PARD3B: variants seen among roughly 807,000 people sequenced by gnomAD.
The protein encoded by PARD3B is par-3 family cell polarity regulator beta, also known as partitioning defective 3 homolog B.
A neutral mutation model predicts 130.2 loss-of-function variants in PARD3B; 103 were observed. The observed-to-expected ratio is 0.79, with a 90% CI of 0.67 to 0.93. PARD3B has a LOEUF of 0.93. PARD3B is among the 40% of genes least tolerant of loss of function. The probability of loss-of-function intolerance (pLI) is 0.00; values close to 1 mark genes in which losing one functional copy is unlikely to be tolerated. For missense variants in PARD3B, 1,609 were observed against 1,499.2 expected, an observed-to-expected ratio of 1.07 and a Z score of -1.21; for synonymous variants, 583 against 553.2, an observed-to-expected ratio of 1.05 and a Z score of -0.76.
At chr2:205,113,423 TA>T in intron 5 of PARD3B, 67 bp from the exon 6 acceptor site, 30 of 964,380 alleles carry the variant, frequency 3.1e-5, no homozygotes, top group Non-Finnish European at 3.3e-5. Flanking sequence ...TGTGTGTGTG[TA>T]TTTTAGATGT....
intron 20 of PARD3B, among the ~76,000 whole-genome samples, chr2:205,489,982 A>C (rs1343769114): frequency 2.0e-5 from 3 of 152,166 alleles, no homozygotes. Flanking sequence ...AGTCACAACA[A>C]TCAATCACAT....
intron 4 of PARD3B, among the ~76,000 whole-genome samples, chr2:205,065,969 T>C (rs979666996): frequency 6.6e-6 from 1 of 152,106 alleles, no homozygotes; most frequent in Non-Finnish European, 1.5e-5. Flanking sequence ...TCAGCCTCAT[T>C]GAACAGGTAG....
At chr2:204,584,879 A>G (rs2032748926) in intron 1 of PARD3B, among the ~76,000 whole-genome samples, 1 of 152,222 alleles carries the variant, frequency 6.6e-6, no homozygotes, top group African/African-American at 2.4e-5. Flanking sequence ...GACACAGGTG[A>G]TGCAAGAGTT....
intron 2 of PARD3B, among the ~76,000 whole-genome samples, chr2:204,956,637 C>CT (rs2125836292): frequency 6.6e-6 from 1 of 152,148 alleles, no homozygotes; most frequent in South Asian, 2.1e-4. Flanking sequence ...AAAAATTAGT[C>CT]TATGTAGCTA....
chr2:205,311,992 C>T (rs1174270913), intron 18 of PARD3B, among the ~76,000 whole-genome samples: 2 of 152,126 alleles, frequency 1.3e-5, no homozygotes, highest in Non-Finnish European at 2.9e-5. Flanking sequence ...TAATACATTA[C>T]CCATAAAGAT....
At chr2:205,020,276 G>A (rs1033359222) in intron 3 of PARD3B, among the ~76,000 whole-genome samples, 2 of 152,186 alleles carry the variant, frequency 1.3e-5, no homozygotes, top group African/African-American at 4.8e-5. Context: ...CATTTAAAGA[G>A]GTTTGCATCA....
chr2:205,395,886 A>G (rs934981593), intron 18 of PARD3B, among the ~76,000 whole-genome samples: 1 of 152,116 alleles, frequency 6.6e-6, no homozygotes, highest in African/African-American at 2.4e-5. Flanking sequence ...TCTGTCTCCT[A>G]GTTTCCTCAC....
At chr2:205,267,516 A>G (rs2040556046) in intron 16 of PARD3B, among the ~76,000 whole-genome samples, 1 of 151,572 alleles carries the variant, frequency 6.6e-6, no homozygotes, top group South Asian at 2.1e-4. Flanking sequence ...CTTGAGCTTC[A>G]GAAGGATTGG....
intron 21 of PARD3B, among the ~76,000 whole-genome samples, chr2:205,515,006 A>G (rs777182543): frequency 3.3e-5 from 5 of 151,968 alleles, no homozygotes; most frequent in Non-Finnish European, 7.4e-5. Flanking sequence ...CCACCCTCAA[A>G]TAGACCCCAG....
intron 2 of PARD3B, among the ~76,000 whole-genome samples, chr2:204,816,355 G>A (rs1472146646): frequency 6.6e-6 from 1 of 151,760 alleles, no homozygotes; most frequent in African/African-American, 2.4e-5. Flanking sequence ...CTTCTTCTTT[G>A]TGTAGATACG....
At chr2:205,290,853 C>A (rs2041582544) in intron 16 of PARD3B, among the ~76,000 whole-genome samples, 1 of 152,090 alleles carries the variant, frequency 6.6e-6, no homozygotes, top group African/African-American at 2.4e-5. Context: ...AAAAGAGGCC[C>A]CAGAAAGCTC....
chr2:205,410,484 T>C (rs1469241327), intron 19 of PARD3B, among the ~76,000 whole-genome samples: 2 of 152,162 alleles, frequency 1.3e-5, no homozygotes, highest in Admixed American at 6.5e-5. Context: ...TTTAGTACCA[T>C]GAAATAAAAT....
chr2:204,799,740 T>C lies in PARD3B; in HGVS notation c.222+113458T>C, dbSNP rs571500442. On this transcript the variant is annotated intron_variant, in intron 2 of 22. Coordinates refer to ENST00000406610, the MANE Select transcript of PARD3B (RefSeq NM_001302769.2). This position sits in a 1 kb window ranked among gnomAD's most constrained non-coding sequence, Gnocchi z 4.1. ...GTCTCTGCCTGGTAATCCAGGGACT[T>C]CTCCCAGATCTTATCCAAGACCACC... Among the ~76,000 whole-genome samples, 2 of 152,212 alleles carry C rather than the reference T, an allele frequency of 1.3e-5. No individual in the cohort carries two copies. The highest frequency in any genetic ancestry group is 3.9e-4 in the East Asian group (2 of 5,160).
intron 19 of PARD3B, among the ~76,000 whole-genome samples, chr2:205,426,440 C>A (rs1184549373): frequency 2.6e-5 from 4 of 152,166 alleles, no homozygotes; most frequent in African/African-American, 9.7e-5. Flanking sequence ...GATAGCCAGA[C>A]AAATTATCTC....
intron 2 of PARD3B, among the ~76,000 whole-genome samples, chr2:204,908,442 T>C (rs1416870116): frequency 6.6e-6 from 1 of 152,214 alleles, no homozygotes; most frequent in Non-Finnish European, 1.5e-5. Context: ...CTTAGTGAAA[T>C]GTTAGCAATA....
intron 2 of PARD3B, among the ~76,000 whole-genome samples, chr2:204,723,517 T>C (rs1048044005): frequency 2.6e-5 from 4 of 152,186 alleles, no homozygotes; most frequent in Non-Finnish European, 5.9e-5. Context: ...AAAACAAGAA[T>C]CAATTTCTTA....
intron 16 of PARD3B, among the ~76,000 whole-genome samples, chr2:205,248,389 G>A (rs1385035966): frequency 1.3e-5 from 2 of 150,500 alleles, no homozygotes. Flanking sequence ...TTTGGTGGTG[G>A]TGGTGGTGGT....
At chr2:204,785,495 G>C (rs767285338) in intron 2 of PARD3B, among the ~76,000 whole-genome samples, 2 of 152,024 alleles carry the variant, frequency 1.3e-5, no homozygotes, top group African/African-American at 4.8e-5. Flanking sequence ...TCAAGTCTCC[G>C]TGTCCATCCT....
intron 2 of PARD3B, among the ~76,000 whole-genome samples, chr2:204,922,682 GT>G (rs35206495): frequency 0.33 from 49,263 of 148,676 alleles, 8,331 homozygotes; most frequent in African/African-American, 0.37. Flanking sequence ...AAAAAATACA[GT>G]TTTTTTTTTT....
Sources: allele counts gnomAD v4.1 joint callset (sites outside exome capture counted in the v4.1 genomes callset), GRCh38; gene constraint gnomAD v4.1.1; non-coding constraint Gnocchi (gnomAD v3.1); transcripts MANE v1.5; gene names NCBI Gene and HGNC (gene_info 2026-07-23, HGNC 2026-07-21).